Variants in CAST observed in about 807,000 individuals in gnomAD.
CAST encodes MIR583 host.
A neutral mutation model predicts 119.6 loss-of-function variants in CAST; 76 were observed. The observed-to-expected ratio is 0.64, with a 90% CI of 0.53 to 0.77. CAST has a LOEUF of 0.77. Among genes scored for constraint, CAST ranks in the 30% least tolerant of loss-of-function variants. CAST has a pLI of 0.00. For missense variants in CAST, 953 were observed against 946.5 expected, an observed-to-expected ratio of 1.01 and a Z score of -0.09; for synonymous variants, 319 against 331.6, an observed-to-expected ratio of 0.96 and a Z score of 0.41.
the CAST span, among the ~76,000 whole-genome samples, chr5:95,971,580 A>C: frequency 6.6e-6 from 1 of 152,220 alleles, no homozygotes; most frequent in Admixed American, 6.5e-5. Context: ...AACTCCTTGA[A>C]AATACATTGT....
the CAST span, among the ~76,000 whole-genome samples, chr5:96,069,834 A>G: frequency 0.61 from 92,296 of 151,486 alleles, 28,332 homozygotes; most frequent in Non-Finnish European, 0.63. Flanking sequence ...GATTTGGCTC[A>G]TGTAGATGCG....
At chr5:96,373,659 T>C in the CAST span, among the ~76,000 whole-genome samples, 1 of 152,226 alleles carries the variant, frequency 6.6e-6, no homozygotes, top group East Asian at 1.9e-4. Flanking sequence ...AATAGAATCG[T>C]AATGCTTAAG....
At chr5:96,593,214 G>A (rs563490429) in intron 1 of CAST, among the ~76,000 whole-genome samples, 52 of 152,316 alleles carry the variant, frequency 3.4e-4, no homozygotes, top group African/African-American at 1.2e-3. Context: ...GTCACCCTAC[G>A]AACATGCTCT....
At chr5:96,109,148 C>G in the CAST span, among the ~76,000 whole-genome samples, 882 of 152,294 alleles carry the variant, frequency 5.8e-3, 9 homozygotes, top group African/African-American at 0.021. Flanking sequence ...GAGATGAACC[C>G]GGTACCTCAG....
the CAST span, among the ~76,000 whole-genome samples, chr5:96,223,854 G>A: frequency 6.6e-6 from 1 of 152,148 alleles, no homozygotes; most frequent in Non-Finnish European, 1.5e-5. Context: ...AGAATTTTCT[G>A]AGAATATTAA....
At chr5:96,668,610 C>G (rs1244608769) in intron 1 of CAST, among the ~76,000 whole-genome samples, 1 of 152,072 alleles carries the variant, frequency 6.6e-6, no homozygotes, top group Middle Eastern at 3.2e-3. Context: ...TTTGCCAGCC[C>G]CTGGGATAGA....
the CAST span, among the ~76,000 whole-genome samples, chr5:96,437,500 C>T: frequency 1.5e-4 from 23 of 152,304 alleles, no homozygotes; most frequent in East Asian, 2.7e-3. Context: ...TTGCCATTTT[C>T]GTATTAAACT....
At chr5:96,332,287 C>T in the CAST span, among the ~76,000 whole-genome samples, 2 of 152,198 alleles carry the variant, frequency 1.3e-5, no homozygotes, top group Non-Finnish European at 2.9e-5. Context: ...TGAGACACAG[C>T]TCATTCTGCA....
At chr5:95,984,718 C>T in the CAST span, among the ~76,000 whole-genome samples, 1 of 152,116 alleles carries the variant, frequency 6.6e-6, no homozygotes, top group African/African-American at 2.4e-5. Context: ...ATGTCCAGCA[C>T]TGGTATGACA....
the CAST span, among the ~76,000 whole-genome samples, chr5:96,504,971 T>C: frequency 2.6e-5 from 4 of 152,240 alleles, no homozygotes; most frequent in Non-Finnish European, 5.9e-5. Flanking sequence ...AGTGTGGCCA[T>C]TGTGGGTAGA....
the CAST span, among the ~76,000 whole-genome samples, chr5:96,414,737 A>T: frequency 2.0e-5 from 3 of 152,180 alleles, no homozygotes; most frequent in African/African-American, 7.2e-5. Context: ...CACAAACTAT[A>T]GCTGTTTCGT....
intron 30 of CAST, 44 bp from the exon 31 acceptor site, chr5:96,771,600 A>C (rs1173916334): frequency 1.3e-6 from 2 of 1,552,710 alleles, no homozygotes; most frequent in African/African-American, 2.7e-5. Flanking sequence ...CTCATACTTA[A>C]TACAGAAAAG....
Position 96,555,502 on chromosome 5 carries a change from C to T in CAST, c.60+25622C>T, listed in dbSNP as rs530172262. ...CAAAGAAAGAGGCGACAGACGGCACCTAGGAAATCGGGTCACTCCCACCCT... is the reference window on the plus strand; with the variant it reads ...CAAAGAAAGAGGCGACAGACGGCACTTAGGAAATCGGGTCACTCCCACCCT... On this transcript the variant is annotated intron_variant, in intron 1 of 11. Coordinates refer to the CAST transcript ENST00000505143. Among the ~76,000 whole-genome samples, 12 of 152,294 alleles carry T rather than the reference C, an allele frequency of 7.9e-5. No individual in the cohort carries two copies. The South Asian group carries it at 2.3e-3, about 29-fold the overall frequency.
intron 1 of CAST, among the ~76,000 whole-genome samples, chr5:96,633,418 T>G (rs956061824): frequency 4.6e-5 from 7 of 152,262 alleles, no homozygotes; most frequent in African/African-American, 1.7e-4. Flanking sequence ...GTATAAGCCT[T>G]GCAGTTCTTT....
chr5:96,385,313 G>A, the CAST span, among the ~76,000 whole-genome samples: 9 of 152,222 alleles, frequency 5.9e-5, no homozygotes, highest in Admixed American at 3.9e-4. Flanking sequence ...TTGAAGAAGC[G>A]GTATAAACTC....
At chr5:96,017,555 T>C in the CAST span, among the ~76,000 whole-genome samples, 1 of 152,212 alleles carries the variant, frequency 6.6e-6, no homozygotes, top group Admixed American at 6.5e-5. Flanking sequence ...ATGTCTTTCA[T>C]AGTCCTCAGA....
the CAST span, among the ~76,000 whole-genome samples, chr5:96,468,359 T>C: frequency 1.3e-5 from 2 of 152,032 alleles, no homozygotes; most frequent in Non-Finnish European, 2.9e-5. Context: ...CAAAAACCAC[T>C]TGTGCCTCCA....
chr5:96,746,340 A>T lies in CAST; in HGVS notation c.1201-2A>T. On this transcript the variant is annotated splice_acceptor_variant, in intron 16 of 31. Coordinates refer to ENST00000675179, the MANE Select transcript of CAST (RefSeq NM_001750.7). LOFTEE classifies it high-confidence loss of function. ...TTTTTTTTTCCCCTCCATTTTCATCAGGCAAAAGCTAAAGAAGAAAAACTA... is the reference window on the plus strand; with the variant it reads ...TTTTTTTTTCCCCTCCATTTTCATCTGGCAAAAGCTAAAGAAGAAAAACTA... 6.3e-7 allele frequency: 1 copy of T among 1,584,044 alleles called. No individual in the cohort carries two copies. The highest frequency in any genetic ancestry group is 8.7e-7 in the Non-Finnish European group (1 of 1,152,642).
intron 2 of CAST, among the ~76,000 whole-genome samples, chr5:96,694,856 T>C (rs940384785): frequency 1.1e-4 from 17 of 152,224 alleles, no homozygotes; most frequent in Non-Finnish European, 8.8e-5. Context: ...AAAATTACTC[T>C]TCACACCATC....
Sources: gnomAD v4.1 joint callset for allele counts (sites outside exome capture counted in the v4.1 genomes callset) on GRCh38, gnomAD v4.1.1 for gene constraint, MANE v1.5 for transcripts, NCBI Gene and HGNC (gene_info 2026-07-23, HGNC 2026-07-21) for gene names.